The following ITPR1 variants were observed in gnomAD, a reference collection of about 807,000 sequenced individuals.
The protein encoded by ITPR1 is inositol 1,4,5-trisphosphate receptor type 1.
A neutral mutation model predicts 318.4 loss-of-function variants in ITPR1; 96 were observed. The observed-to-expected ratio is 0.30, with a 90% CI of 0.26 to 0.36. The LOEUF is 0.36. Ranked by LOEUF, ITPR1 falls within the 10% of genes least tolerant of loss-of-function variation. The pLI, the probability that ITPR1 is intolerant of heterozygous loss-of-function variation, is 1.00. For synonymous variants in ITPR1, 1,312 were observed against 1,289.9 expected (o/e 1.02, Z -0.37); for missense variants, 2,440 against 3,460.2 (o/e 0.71, Z 7.40).
At chr3:4,499,392 TAAAC>T (rs1200179545) in intron 2 of ITPR1, among the ~76,000 whole-genome samples, 3 of 152,196 alleles carry the variant, frequency 2.0e-5, no homozygotes, top group Non-Finnish European at 4.4e-5. Flanking sequence ...ATCTTTTTAA[TAAAC>T]AGACATCTGT....
At chr3:4,625,701 C>T (rs538104368) in intron 4 of ITPR1, among the ~76,000 whole-genome samples, 239 of 152,164 alleles carry the variant, frequency 1.6e-3, no homozygotes, top group African/African-American at 5.3e-3. Context: ...GGACTACAGG[C>T]GCCCGCCACC....
In ITPR1 at chr3:4,512,719, T is replaced by C. The variant is rs2081925249; in HGVS notation, c.-16-3757T>C. 3.9e-5 allele frequency among the ~76,000 whole-genome samples: 6 copies of C among 152,208 alleles called. 1 individual carries two copies. The South Asian group carries it at 1.2e-3, about 31-fold the overall frequency. On this transcript the variant is annotated intron_variant, in intron 2 of 61. Transcript: ENST00000649015. The stretch of plus-strand genomic sequence containing the variant: ...ATTAATTCAAGTATGTCAGCCACTG[T>C]ACCAGGTGCTTTTCAAGCATTATTT...
chr3:4,533,317 G>A (rs1383486805), intron 4 of ITPR1, among the ~76,000 whole-genome samples: 1 of 152,192 alleles, frequency 6.6e-6, no homozygotes, highest in African/African-American at 2.4e-5. Context: ...CAGCGTGGTG[G>A]TTAGGAGCAC....
chr3:4,572,443 A>T (rs1046460980), intron 4 of ITPR1, among the ~76,000 whole-genome samples: 4 of 152,106 alleles, frequency 2.6e-5, no homozygotes, highest in African/African-American at 9.7e-5. Context: ...TATATATTAT[A>T]AAAGAACGCA....
chr3:4,527,957 C>A (rs1161674115), intron 4 of ITPR1, among the ~76,000 whole-genome samples: 1 of 152,196 alleles, frequency 6.6e-6, no homozygotes, highest in Non-Finnish European at 1.5e-5. Flanking sequence ...AACCTCCCAG[C>A]AGCTTAGGAA....
At chr3:4,770,800 G>A (rs563725013) in intron 46 of ITPR1, among the ~76,000 whole-genome samples, 1 of 152,290 alleles carries the variant, frequency 6.6e-6, no homozygotes, top group African/African-American at 2.4e-5. Flanking sequence ...TGCCTCAAAT[G>A]CTCAGGGCCT....
chr3:4,506,481 T>C (rs2081403224), intron 2 of ITPR1, among the ~76,000 whole-genome samples: 1 of 152,240 alleles, frequency 6.6e-6, no homozygotes, highest in African/African-American at 2.4e-5. Context: ...AATTGCATTG[T>C]CACTTAATCA....
intron 6 of ITPR1, among the ~76,000 whole-genome samples, chr3:4,639,765 T>G (rs1170471780): frequency 3.5e-5 from 5 of 141,586 alleles, no homozygotes. Flanking sequence ...GTGGCAGTTC[T>G]GTTTAATTTG....
At chr3:4,708,498 T>C (rs1200438932) in intron 37 of ITPR1, among the ~76,000 whole-genome samples, 2 of 152,220 alleles carry the variant, frequency 1.3e-5, no homozygotes, top group Non-Finnish European at 2.9e-5. Context: ...GAACCAGTTC[T>C]TGATTCCTGA....
chr3:4,605,915 C>G lies in ITPR1; in HGVS notation c.164-21848C>G, dbSNP rs367986770. Among the ~76,000 whole-genome samples the G allele has an allele frequency of 2.6e-5, 4 of 152,006 alleles. 1 individual carries two copies. Among genetic ancestry groups the G allele is most frequent in the Non-Finnish European group, 5.9e-5 (4 of 67,986 alleles). ...TGAAGTAGGCAACAGGGAGTGGGGC[C>G]GACATCAGACAGGAAAGAGAGAAGG... On this transcript the variant is annotated intron_variant, in intron 4 of 61. Coordinates refer to ENST00000649015, the MANE Select transcript of ITPR1 (RefSeq NM_001378452.1).
Position 4,507,827 on chromosome 3 carries a change from G to A in ITPR1, c.-16-8649G>A, listed in dbSNP as rs140223705. ...TTAGATTGATGCTTATTGCTCTTAG[G>A]TTCTGTCATAACTGGTGTTTAAGGA... On this transcript the variant is annotated intron_variant, in intron 2 of 61. Coordinates refer to ENST00000649015, the MANE Select transcript of ITPR1 (RefSeq NM_001378452.1). Among the ~76,000 whole-genome samples, 869 of 152,230 alleles carry A rather than the reference G, an allele frequency of 5.7e-3. 5 individuals carry two copies. Among genetic ancestry groups the A allele is most frequent in the African/African-American group, 0.02 (816 of 41,528 alleles).
chr3:4,629,478 GTTAAT>G (rs2092946125), intron 5 of ITPR1, among the ~76,000 whole-genome samples: 1 of 152,118 alleles, frequency 6.6e-6, no homozygotes, highest in Non-Finnish European at 1.5e-5. Flanking sequence ...TAGTAGCTTC[GTTAAT>G]TATCACCTGT....
At chr3:4,591,844 ATTT>A (rs914552766) in intron 4 of ITPR1, among the ~76,000 whole-genome samples, 1 of 150,962 alleles carries the variant, frequency 6.6e-6, no homozygotes, top group African/African-American at 2.4e-5. Flanking sequence ...AACGTGGCTG[ATTT>A]TTTTTTTAAG....
chr3:4,560,528 T>C (rs886882855), intron 4 of ITPR1, among the ~76,000 whole-genome samples: 2 of 152,228 alleles, frequency 1.3e-5, no homozygotes, highest in Non-Finnish European at 2.9e-5. Context: ...ATCATGTGTT[T>C]ATGGAATAAT....
chr3:4,771,555 G>T (rs1481736289), intron 46 of ITPR1, among the ~76,000 whole-genome samples: 2 of 152,154 alleles, frequency 1.3e-5, no homozygotes, highest in African/African-American at 4.8e-5. Context: ...TTGTTTGGAA[G>T]TCTTCAGATT....
At chr3:4,551,759 A>G (rs1479474951) in intron 4 of ITPR1, among the ~76,000 whole-genome samples, 1 of 152,178 alleles carries the variant, frequency 6.6e-6, no homozygotes, top group Non-Finnish European at 1.5e-5. Context: ...TCTTATTCAC[A>G]TGAAGAATCT....
At chr3:4,830,858 C>A (rs899574297) in intron 60 of ITPR1, 1 of 450,992 alleles carries the variant, frequency 2.2e-6, no homozygotes, top group Non-Finnish European at 4.5e-6. Flanking sequence ...CTCAAGCCCC[C>A]CTCACCCTCA....
chr3:4,603,232 A>G (rs929655928), intron 4 of ITPR1, among the ~76,000 whole-genome samples: 7 of 151,814 alleles, frequency 4.6e-5, no homozygotes, highest in African/African-American at 1.7e-4. Context: ...TTATTTCTTT[A>G]TTTTTAAAAT....
intron 2 of ITPR1, among the ~76,000 whole-genome samples, chr3:4,509,466 A>G (rs1054525659): frequency 1.3e-5 from 2 of 152,198 alleles, no homozygotes; most frequent in African/African-American, 4.8e-5. Flanking sequence ...TAACACTGTA[A>G]ATTTGGCTTT....
Sources: allele counts gnomAD v4.1 joint callset (sites outside exome capture counted in the v4.1 genomes callset), GRCh38; gene constraint gnomAD v4.1.1; transcripts MANE v1.5; gene names NCBI Gene and HGNC (gene_info 2026-07-23, HGNC 2026-07-21).